HSPA12A: variants seen among roughly 807,000 people sequenced by gnomAD.
HSPA12A encodes heat shock protein family A (Hsp70) member 12A.
HSPA12A carries 28 observed loss-of-function variants against 69.2 expected under a neutral mutation model. That is an observed-to-expected ratio of 0.40 (90% confidence interval 0.30 to 0.55). The LOEUF (loss-of-function observed/expected upper bound fraction) is 0.55, where lower values mean the gene tolerates loss of function less well. Among genes scored for constraint, HSPA12A ranks in the 20% least tolerant of loss-of-function variants. The pLI is 0.38. For missense variants in HSPA12A, 686 were observed against 900.7 expected, an observed-to-expected ratio of 0.76 and a Z score of 3.05; for synonymous variants, 345 against 370.5, an observed-to-expected ratio of 0.93 and a Z score of 0.79.
At chr10:116,847,637 A>C (rs2133230333) in intron 1 of HSPA12A, among the ~76,000 whole-genome samples, 1 of 152,304 alleles carries the variant, frequency 6.6e-6, no homozygotes, top group South Asian at 2.1e-4. Flanking sequence ...AGTACTTATT[A>C]ACCATTTATT....
chr10:116,806,731 C>T (rs1845076742), intron 2 of HSPA12A, among the ~76,000 whole-genome samples: 1 of 152,174 alleles, frequency 6.6e-6, no homozygotes, highest in African/African-American at 2.4e-5. Flanking sequence ...CATTGGGAGA[C>T]AGAAGGTTCC....
intron 2 of HSPA12A, among the ~76,000 whole-genome samples, chr10:116,800,030 C>A (rs756351509): frequency 6.6e-6 from 1 of 152,078 alleles, no homozygotes; most frequent in Non-Finnish European, 1.5e-5. Flanking sequence ...CCATTTCCTC[C>A]AACACTCATT....
chr10:116,822,312 T>TC (rs1234699812), intron 2 of HSPA12A, among the ~76,000 whole-genome samples: 3 of 152,210 alleles, frequency 2.0e-5, no homozygotes, highest in Non-Finnish European at 2.9e-5. Context: ...CCTCAGCTTC[T>TC]CCATCTGAGG....
intron 2 of HSPA12A, among the ~76,000 whole-genome samples, chr10:116,815,248 CAAAAAAAAAAAA>C (rs61008848): frequency 5.9e-5 from 6 of 102,108 alleles, no homozygotes; most frequent in Non-Finnish European, 9.5e-5. Context: ...ATCCAAAAGA[CAAAAAAAAAAAA>C]AAAAAAAAAA....
At chr10:116,690,154 C>A (rs1172852583) in intron 6 of HSPA12A, among the ~76,000 whole-genome samples, 1 of 152,168 alleles carries the variant, frequency 6.6e-6, no homozygotes, top group Non-Finnish European at 1.5e-5. Context: ...AATTTCACTT[C>A]CACTTTGTCC....
At chr10:116,765,034 G>A (rs940853623) in intron 2 of HSPA12A, among the ~76,000 whole-genome samples, 1 of 152,160 alleles carries the variant, frequency 6.6e-6, no homozygotes. Flanking sequence ...GTGATGTGGG[G>A]ACCAGTGTTT....
At chr10:116,782,386 A>G (rs1386634496) in intron 2 of HSPA12A, among the ~76,000 whole-genome samples, 13 of 152,220 alleles carry the variant, frequency 8.5e-5, no homozygotes, top group African/African-American at 3.1e-4. Context: ...CCTGTGCCCA[A>G]GCCTGCGTAT....
In HSPA12A at chr10:116,823,731, A is replaced by G. The variant is rs546998692; in HGVS notation, c.91+11204T>C. On this transcript the variant is annotated intron_variant, in intron 2 of 12. Transcript: ENST00000635765. ...AAGGTGAACCCCTACATCACACCATATACAAAAATGAATTCTAAATGCACA... is the reference window on the plus strand; with the variant it reads ...AAGGTGAACCCCTACATCACACCATGTACAAAAATGAATTCTAAATGCACA... Among the ~76,000 whole-genome samples the G allele has an allele frequency of 3.9e-5, 6 of 152,358 alleles. No homozygotes were observed. The South Asian group carries it at 1.2e-3, about 32-fold the overall frequency.
chr10:116,683,054 G>A (rs1589624241), intron 7 of HSPA12A, among the ~76,000 whole-genome samples: 1 of 151,618 alleles, frequency 6.6e-6, no homozygotes, highest in East Asian at 1.9e-4. Flanking sequence ...TTAGGCCCTC[G>A]TGCCTTTGAG....
chr10:116,707,845 G>C (rs1250866069), intron 1 of HSPA12A, among the ~76,000 whole-genome samples: 1 of 152,138 alleles, frequency 6.6e-6, no homozygotes, highest in African/African-American at 2.4e-5. Flanking sequence ...CCCCCTGCCA[G>C]GGCATGTGAA....
intron 1 of HSPA12A, among the ~76,000 whole-genome samples, chr10:116,844,168 T>C (rs1224537520): frequency 1.3e-5 from 2 of 152,190 alleles, no homozygotes; most frequent in Non-Finnish European, 2.9e-5. Flanking sequence ...TGGATCAAAT[T>C]CCATCTCCCC....
At chr10:116,708,518 G>T (rs1554882754) in intron 1 of HSPA12A, among the ~76,000 whole-genome samples, 1 of 152,076 alleles carries the variant, frequency 6.6e-6, no homozygotes, top group Non-Finnish European at 1.5e-5. Context: ...GAGGACTCAG[G>T]CAGCATCATT....
Position 116,710,060 on chromosome 10 carries a change from T to C in HSPA12A, c.41-2775A>G, listed in dbSNP as rs1554882914. Among the ~76,000 whole-genome samples the C allele has an allele frequency of 6.6e-6, 1 of 152,160 alleles. No individual in the cohort carries two copies. Among genetic ancestry groups the C allele is most frequent in the Non-Finnish European group, 1.5e-5 (1 of 68,032 alleles). On this transcript the variant is annotated intron_variant, in intron 1 of 11. Coordinates refer to ENST00000369209, the MANE Select transcript of HSPA12A (RefSeq NM_025015.3). The surrounding 1 kb of genome is among the most constrained non-coding windows in gnomAD (Gnocchi z 4.1). The stretch of plus-strand genomic sequence containing the variant: ...CTGATCTCCACCATCTTTGCTAATC[T>C]CCCAGCACAAGGGAACCCCTTCCAT...
intron 1 of HSPA12A, among the ~76,000 whole-genome samples, chr10:116,840,028 T>G (rs1258717597): frequency 6.6e-6 from 1 of 152,164 alleles, no homozygotes; most frequent in Non-Finnish European, 1.5e-5. Context: ...CCAGGTCTTT[T>G]TAGTTAAAAA....
intron 1 of HSPA12A, among the ~76,000 whole-genome samples, chr10:116,847,825 A>G (rs1845920753): frequency 6.6e-6 from 1 of 152,226 alleles, no homozygotes. Flanking sequence ...TGGTGGTCCC[A>G]GCCCAGGATA....
intron 3 of HSPA12A, among the ~76,000 whole-genome samples, chr10:116,703,837 G>C (rs570894667): frequency 3.3e-5 from 5 of 152,344 alleles, no homozygotes; most frequent in East Asian, 3.9e-4. Context: ...TGCATCCCAG[G>C]AGGCCCAGGG....
At position 116,674,984 on chromosome 10, in the gene HSPA12A, TG is replaced by T; in HGVS notation, c.1824del (p.Asp608GlufsTer11). 1.2e-6 allele frequency: 2 copies of T among 1,614,094 alleles called. No homozygotes were observed. Among genetic ancestry groups the T allele is most frequent in the Non-Finnish European group, 1.7e-6 (2 of 1,180,002 alleles). ...IVINIYSSEH[D>X]NVSFITDPGV... ...CCGGGATCAGTGATGAAGCTGACGT[TG>T]TCGTGCTCAGAGCTGTAGATGTTGA... On this transcript the variant is annotated frameshift_variant, in exon 12 of 12. Coordinates refer to ENST00000369209, the MANE Select transcript of HSPA12A (RefSeq NM_025015.3). LOFTEE classifies it high-confidence loss of function.
intron 2 of HSPA12A, among the ~76,000 whole-genome samples, chr10:116,806,415 C>T (rs1408213211): frequency 6.6e-6 from 1 of 152,092 alleles, no homozygotes; most frequent in Non-Finnish European, 1.5e-5. Flanking sequence ...TTATGTTGCC[C>T]AGGCTGGTCT....
intron 7 of HSPA12A, 26 bp downstream of exon 7, chr10:116,683,765 G>A (rs782760552): frequency 6.7e-7 from 1 of 1,494,602 alleles, no homozygotes. Context: ...AGGAGAGCAG[G>A]AGGGGGAGAG....
Sources: gnomAD v4.1 joint callset for allele counts (sites outside exome capture counted in the v4.1 genomes callset) on GRCh38, gnomAD v4.1.1 for gene constraint, Gnocchi (gnomAD v3.1) non-coding constraint, MANE v1.5 for transcripts, NCBI Gene and HGNC (gene_info 2026-07-23, HGNC 2026-07-21) for gene names.